Variants in VPS8 observed in about 807,000 individuals in gnomAD.
VPS8 encodes the protein vacuolar protein sorting-associated protein 8 homolog.
In VPS8, 129 loss-of-function variants were observed where a neutral mutation model predicts 216.4. The observed-to-expected ratio is 0.60, with a 90% CI of 0.52 to 0.69. The LOEUF is 0.69. Among genes scored for constraint, VPS8 ranks in the 30% least tolerant of loss-of-function variants. VPS8 has a pLI of 0.00. For synonymous variants in VPS8, 571 were observed against 565.4 expected (o/e 1.01, Z -0.14); for missense variants, 1,531 against 1,683.5 (o/e 0.91, Z 1.59).
At chr3:184,969,540 C>T (rs192400094) in intron 39 of VPS8, among the ~76,000 whole-genome samples, 1 of 150,044 alleles carries the variant, frequency 6.7e-6, no homozygotes, top group East Asian at 2.0e-4. Context: ...AGCGATCCTC[C>T]TGCCTCAGCT....
chr3:184,970,926 G>A (rs897317218), intron 39 of VPS8, among the ~76,000 whole-genome samples: 1 of 152,122 alleles, frequency 6.6e-6, no homozygotes, highest in East Asian at 1.9e-4. Context: ...ACAAATATTC[G>A]CAAGTTATCT....
chr3:184,984,527 A>G (rs1750770760), intron 42 of VPS8, among the ~76,000 whole-genome samples: 1 of 152,012 alleles, frequency 6.6e-6, no homozygotes, highest in Admixed American at 6.5e-5. Context: ...TCCTGACCTC[A>G]GGTGATCCGC....
intron 1 of VPS8, among the ~76,000 whole-genome samples, chr3:184,813,287 C>G (rs1015108168): frequency 1.3e-5 from 2 of 152,088 alleles, no homozygotes; most frequent in Non-Finnish European, 2.9e-5. Context: ...CTCTACTTTC[C>G]CCTACTGAAA....
rs772930944 is a variant in VPS8, at chr3:184,862,865, C to T, written c.1225-32C>T. On this transcript the variant is annotated intron_variant, in intron 15 of 47. Coordinates refer to ENST00000625842, the MANE Select transcript of VPS8 (RefSeq NM_001009921.3). The stretch of plus-strand genomic sequence containing the variant: ...CCAAATGATGAAGCGGGTGTGGTCT[C>T]ACTTTTGTTTTGTTGTGTGCTTGAA... 19 of 1,594,198 alleles carry T rather than the reference C, an allele frequency of 1.2e-5. No individual in the cohort carries two copies. The Admixed American group carries it at 1.4e-4, about 11-fold the overall frequency.
chr3:185,029,796 T>G (rs188166421), intron 46 of VPS8, among the ~76,000 whole-genome samples: 259 of 152,264 alleles, frequency 1.7e-3, no homozygotes, highest in Non-Finnish European at 2.8e-3. Context: ...ACTCCTGACC[T>G]CAAGCGATCC....
chr3:184,915,537 G>T, intron 28 of VPS8, 63 bp downstream of exon 28: 1 of 1,554,192 alleles, frequency 6.4e-7, no homozygotes, highest in South Asian at 1.2e-5. Flanking sequence ...TTTTGGCGGG[G>T]TGTGGTGGCT....
rs142776147 is a variant in VPS8, at chr3:184,950,688, A to G, written c.3036-6686A>G. Among the ~76,000 whole-genome samples the G allele has an allele frequency of 3.7e-4, 57 of 152,064 alleles. No homozygotes were observed. The East Asian group carries it at 0.01, about 27-fold the overall frequency. Reference sequence around the variant, plus strand: ...TGTGCCATGGTGGTTTGCTGAACCTATTGACCCATCCTCTAAGTTCCCTCC... The same window carrying G: ...TGTGCCATGGTGGTTTGCTGAACCTGTTGACCCATCCTCTAAGTTCCCTCC... On this transcript the variant is annotated intron_variant, in intron 36 of 47. Coordinates refer to ENST00000625842, the MANE Select transcript of VPS8 (RefSeq NM_001009921.3).
rs1243209479 is a variant in VPS8, at chr3:185,022,920, T to C, written c.4003-1416T>C. Among the ~76,000 whole-genome samples the C allele has an allele frequency of 2.6e-5, 4 of 152,204 alleles. No homozygotes were observed. In the East Asian group the frequency reaches 7.7e-4, roughly 29 times the overall value. ...TTTAAACCTTTCTTATTTTCCAATA[T>C]AACATATGGGCTGTAAATTCTTTAA... is the stretch of plus-strand genomic sequence containing the variant. On this transcript the variant is annotated intron_variant, in intron 45 of 47. Transcript: ENST00000625842.
At chr3:185,041,583 G>A (rs1204413275) in intron 46 of VPS8, among the ~76,000 whole-genome samples, 1 of 152,048 alleles carries the variant, frequency 6.6e-6, no homozygotes, top group Non-Finnish European at 1.5e-5. Context: ...AAGCTTTTAG[G>A]CACTTCCCAA....
In VPS8 at chr3:184,855,728, G is replaced by A. The variant is rs1307317836; in HGVS notation, c.1053G>A (p.Val351=). 3.1e-6 allele frequency: 5 copies of A among 1,612,854 alleles called. No individual in the cohort carries two copies. Among genetic ancestry groups the A allele is most frequent in the South Asian group, 1.1e-5 (1 of 90,864 alleles). Reference sequence around the variant, plus strand: ...CTACTTAGATGGATCCTTCCAGTGTGCCACTGCTGGCCTGGCACTTTGTAG... The same window carrying A: ...CTACTTAGATGGATCCTTCCAGTGTACCACTGCTGGCCTGGCACTTTGTAG... ...FPYGRMDPSS[V]PLLAWHFVAV... The change falls in exon 14 of 48, where the codon GTG becomes GTA. Residue 351 remains valine, a synonymous_variant. Transcript: ENST00000625842.
At chr3:184,888,722 A>ATT (rs1463453813) in intron 22 of VPS8, among the ~76,000 whole-genome samples, 2 of 152,152 alleles carry the variant, frequency 1.3e-5, no homozygotes, top group Non-Finnish European at 2.9e-5. Context: ...ATTCAAATTG[A>ATT]GATAATTTAT....
intron 40 of VPS8, among the ~76,000 whole-genome samples, chr3:184,977,465 T>G (rs1411135953): frequency 1.3e-5 from 2 of 152,120 alleles, no homozygotes; most frequent in Non-Finnish European, 2.9e-5. Flanking sequence ...TTTAATTAGG[T>G]CTCATTTTTC....
intron 22 of VPS8, among the ~76,000 whole-genome samples, 174 bp from the exon 23 acceptor site, chr3:184,894,529 T>TATATATATATATAC (rs1406437015): frequency 6.9e-6 from 1 of 144,064 alleles, no homozygotes; most frequent in Non-Finnish European, 1.5e-5. Context: ...TATATATATA[T>TATATATATATATAC]ATACACACAC....
chr3:184,848,564 CTTTTT>C (rs35715889), intron 8 of VPS8, among the ~76,000 whole-genome samples: 1 of 87,202 alleles, frequency 1.1e-5, no homozygotes, highest in African/African-American at 5.1e-5. Flanking sequence ...TTCCTGTATT[CTTTTT>C]TTTTTTTTTT....
chr3:184,922,163 C>T (rs1738750013), intron 29 of VPS8, among the ~76,000 whole-genome samples: 1 of 152,208 alleles, frequency 6.6e-6, no homozygotes, highest in Non-Finnish European at 1.5e-5. Context: ...TTTCCTTTCA[C>T]TGACTGGCAA....
chr3:184,914,913 A>G (rs780151903), intron 26 of VPS8, 68 bp from the exon 27 acceptor site: 79 of 1,442,262 alleles, frequency 5.5e-5, no homozygotes, highest in Non-Finnish European at 6.8e-5. Context: ...TTGAGAAACA[A>G]TGTGTTACTC....
At chr3:184,920,086 C>A in intron 28 of VPS8, 41 bp from the exon 29 acceptor site, 2 of 1,323,762 alleles carry the variant, frequency 1.5e-6, no homozygotes, top group Non-Finnish European at 2.1e-6. Context: ...TCTACATGTG[C>A]AAATAATAAT....
chr3:184,895,624 T>TCCCC (rs1733287967), intron 23 of VPS8, among the ~76,000 whole-genome samples: 5 of 1,386 alleles, frequency 3.6e-3, no homozygotes, highest in Admixed American at 0.013. Context: ...CCCCCCCTCC[T>TCCCC]CCTCCCCCCC....
intron 16 of VPS8, among the ~76,000 whole-genome samples, chr3:184,865,449 T>G (rs1028210138): frequency 2.0e-5 from 3 of 152,146 alleles, no homozygotes; most frequent in Non-Finnish European, 4.4e-5. Flanking sequence ...CAGTCAACAG[T>G]GATCTGTAAA....
Sources: allele counts gnomAD v4.1 joint callset (sites outside exome capture counted in the v4.1 genomes callset), GRCh38; gene constraint gnomAD v4.1.1; transcripts MANE v1.5; gene names NCBI Gene and HGNC (gene_info 2026-07-23, HGNC 2026-07-21).